Variants in SEMA3A observed in about 807,000 individuals in gnomAD.
SEMA3A encodes semaphorin-3A.
SEMA3A carries 29 observed loss-of-function variants against 97.9 expected under a neutral mutation model. The ratio of observed to expected loss-of-function variants is 0.30; its 90% CI spans 0.22 to 0.40. The LOEUF (loss-of-function observed/expected upper bound fraction) is 0.40. Among genes scored for constraint, SEMA3A ranks in the 10% least tolerant of loss-of-function variants. The probability of loss-of-function intolerance (pLI) is 1.00; values close to 1 mark genes in which losing one functional copy is unlikely to be tolerated. For missense variants in SEMA3A, 763 were observed against 951.3 expected (o/e 0.80, Z 2.60); for synonymous variants, 321 against 323.7 (o/e 0.99, Z 0.09).
chr7:84,448,974 T>C (rs545398081), intron 1 of SEMA3A, among the ~76,000 whole-genome samples: 36 of 152,142 alleles, frequency 2.4e-4, no homozygotes, highest in African/African-American at 7.5e-4. Flanking sequence ...ATAAAATAAA[T>C]ACTCATGAAA....
At chr7:84,419,591 T>G (rs1804530643) in intron 1 of SEMA3A, among the ~76,000 whole-genome samples, 1 of 151,238 alleles carries the variant, frequency 6.6e-6, no homozygotes, top group South Asian at 2.1e-4. Context: ...AGGAAAAGCT[T>G]GGGGGAGAGT....
chr7:84,083,099 A>G (rs1794214582), intron 4 of SEMA3A, among the ~76,000 whole-genome samples: 1 of 151,856 alleles, frequency 6.6e-6, no homozygotes, highest in Non-Finnish European at 1.5e-5. Flanking sequence ...AAACCAAATT[A>G]ATTAATTTTT....
chr7:84,031,459 G>A (rs1034550283), intron 6 of SEMA3A, among the ~76,000 whole-genome samples: 7 of 152,032 alleles, frequency 4.6e-5, no homozygotes, highest in Admixed American at 4.6e-4. Context: ...CAATAAACAT[G>A]GTCAAAAACC....
At chr7:84,424,883 T>C (rs1804740546) in intron 1 of SEMA3A, among the ~76,000 whole-genome samples, 1 of 78,116 alleles carries the variant, frequency 1.3e-5, no homozygotes, top group South Asian at 4.8e-4. Context: ...TATATAATAT[T>C]ATATATAAAT....
chr7:84,160,158 C>T (rs1212436422), intron 1 of SEMA3A, among the ~76,000 whole-genome samples: 1 of 151,872 alleles, frequency 6.6e-6, no homozygotes, highest in African/African-American at 2.4e-5. Flanking sequence ...CAGAATTGCA[C>T]CAAATATTGG....
At chr7:84,009,234 T>G (rs1790784151) in intron 9 of SEMA3A, among the ~76,000 whole-genome samples, 1 of 152,214 alleles carries the variant, frequency 6.6e-6, no homozygotes, top group South Asian at 2.1e-4. Context: ...CACTCAAATT[T>G]GAGTCACTGC....
chr7:84,285,916 T>G (rs930828685), intron 3 of SEMA3A, among the ~76,000 whole-genome samples: 1 of 139,400 alleles, frequency 7.2e-6, no homozygotes, highest in Non-Finnish European at 1.5e-5. Context: ...TGACTGTGAG[T>G]GAGACATGAT....
chr7:84,047,674 T>C (rs1002851407), intron 5 of SEMA3A, among the ~76,000 whole-genome samples: 4 of 152,080 alleles, frequency 2.6e-5, no homozygotes, highest in Non-Finnish European at 2.9e-5. Flanking sequence ...CTTCAAATAA[T>C]CCATGACAAC....
intron 9 of SEMA3A, among the ~76,000 whole-genome samples, chr7:84,007,876 A>G (rs758928618): frequency 1.3e-5 from 2 of 152,194 alleles, no homozygotes; most frequent in Non-Finnish European, 2.9e-5. Context: ...ATTATTACTG[A>G]AACCAGGAAA....
intron 1 of SEMA3A, among the ~76,000 whole-genome samples, chr7:84,406,449 C>T (rs192994147): frequency 1.3e-5 from 2 of 152,286 alleles, no homozygotes; most frequent in East Asian, 3.9e-4. Context: ...GATGGATTCA[C>T]AGCCGAATTC....
At chr7:84,076,039 G>A (rs995173025) in intron 4 of SEMA3A, among the ~76,000 whole-genome samples, 3 of 152,052 alleles carry the variant, frequency 2.0e-5, no homozygotes, top group East Asian at 1.9e-4. Context: ...ATCCTCTACC[G>A]ATTCCAGGAT....
At position 84,228,741 on chromosome 7, in the gene SEMA3A, G is replaced by A. The variant is rs539314402; in HGVS notation, c.-82-34073C>T. 8.5e-5 allele frequency among the ~76,000 whole-genome samples: 13 copies of A among 152,170 alleles called. No homozygotes were observed. The East Asian group carries it at 1.7e-3, about 20-fold the overall frequency. On this transcript the variant is annotated intron_variant, in intron 3 of 3. Coordinates refer to the SEMA3A transcript ENST00000424555. ...AAGTTAAGTACCATGTTCATTTGCC[G>A]GGATTCCTCCCTGCAGGATTTCATG...
intron 4 of SEMA3A, among the ~76,000 whole-genome samples, chr7:84,095,358 C>CATATATATATATATATATAT (rs200107086): frequency 1.4e-4 from 17 of 122,872 alleles, no homozygotes; most frequent in East Asian, 4.5e-4. Flanking sequence ...TTTTTATATA[C>CATATATATATATATATATAT]ATATATATAT....
chr7:84,284,923 G>T (rs7801815), intron 3 of SEMA3A, among the ~76,000 whole-genome samples: 4,939 of 152,130 alleles, frequency 0.032, 94 homozygotes, highest in South Asian at 0.046. Flanking sequence ...CATCTAGTAA[G>T]GCCTTTGCCA....
chr7:84,079,485 T>C (rs1794074352), intron 4 of SEMA3A, among the ~76,000 whole-genome samples: 1 of 151,210 alleles, frequency 6.6e-6, no homozygotes, highest in Non-Finnish European at 1.5e-5. Context: ...GAATCTACAA[T>C]GAACTCAAAC....
At chr7:84,247,456 T>C (rs1371826587) in intron 3 of SEMA3A, among the ~76,000 whole-genome samples, 2 of 152,168 alleles carry the variant, frequency 1.3e-5, no homozygotes, top group Admixed American at 1.3e-4. Context: ...TTAACAGTTA[T>C]AATAAAGTTG....
intron 10 of SEMA3A, among the ~76,000 whole-genome samples, chr7:84,006,317 T>C (rs1790664569): frequency 2.0e-5 from 3 of 152,098 alleles, no homozygotes; most frequent in Admixed American, 2.0e-4. Context: ...TTCTTTATTG[T>C]TTTGTTTCTA....
At chr7:84,173,784 G>A (rs1056537229) in intron 1 of SEMA3A, among the ~76,000 whole-genome samples, 1 of 152,032 alleles carries the variant, frequency 6.6e-6, no homozygotes, top group Non-Finnish European at 1.5e-5. Flanking sequence ...TGGGAACTGG[G>A]CCACACAGCA....
chr7:84,432,593 G>A (rs1010591735), intron 1 of SEMA3A, among the ~76,000 whole-genome samples: 1 of 152,034 alleles, frequency 6.6e-6, no homozygotes, highest in Non-Finnish European at 1.5e-5. Context: ...TTATTTCCAT[G>A]AGTAGCCAGT....
Sources: gnomAD v4.1 joint callset for allele counts (sites outside exome capture counted in the v4.1 genomes callset) on GRCh38, gnomAD v4.1.1 for gene constraint, MANE v1.5 for transcripts, NCBI Gene and HGNC (gene_info 2026-07-23, HGNC 2026-07-21) for gene names.